OGDH: variants seen among roughly 807,000 people sequenced by gnomAD.
The protein encoded by OGDH is 2-oxoglutarate dehydrogenase complex component E1.
A neutral mutation model predicts 116.6 loss-of-function variants in OGDH; 38 were observed. The observed-to-expected ratio is 0.33, with a 90% confidence interval of 0.25 to 0.43. The LOEUF (loss-of-function observed/expected upper bound fraction) is 0.43. OGDH is among the 20% of genes least tolerant of loss of function. The pLI, the probability that OGDH is intolerant of heterozygous loss-of-function variation, is 1.00. For missense variants in OGDH, 825 were observed against 1,357.2 expected, an observed-to-expected ratio of 0.61 and a Z score of 6.16; for synonymous variants, 488 against 533.3, an observed-to-expected ratio of 0.92 and a Z score of 1.17.
intron 5 of OGDH, among the ~76,000 whole-genome samples, chr7:44,672,079 A>G (rs9969123): frequency 6.6e-6 from 1 of 151,790 alleles, no homozygotes. Flanking sequence ...AAAAATAAAT[A>G]AATTAATTAA....
chr7:44,678,320 G>A (rs1291828815), intron 9 of OGDH, among the ~76,000 whole-genome samples: 1 of 152,196 alleles, frequency 6.6e-6, no homozygotes, highest in African/African-American at 2.4e-5. Context: ...TTTGGGCTGA[G>A]TAGTGGAATG....
intron 20 of OGDH, among the ~76,000 whole-genome samples, chr7:44,701,963 C>G (rs1318491052): frequency 6.6e-6 from 1 of 151,724 alleles, no homozygotes; most frequent in African/African-American, 2.4e-5. Context: ...CCCAGCTACT[C>G]AGGAGGCTGA....
intron 2 of OGDH, among the ~76,000 whole-genome samples, chr7:44,638,323 G>A (rs1785766684): frequency 6.6e-6 from 1 of 152,162 alleles, no homozygotes; most frequent in Non-Finnish European, 1.5e-5. Context: ...AAGTACTAAA[G>A]TAAGGCCCAA....
At chr7:44,643,224 C>T (rs1182328515) in intron 2 of OGDH, among the ~76,000 whole-genome samples, 1 of 152,040 alleles carries the variant, frequency 6.6e-6, no homozygotes, top group Non-Finnish European at 1.5e-5. Flanking sequence ...GATCCTCCTG[C>T]CTCTGCTTCC....
chr7:44,675,325 G>A, intron 8 of OGDH, 57 bp downstream of exon 8: 1 of 1,380,070 alleles, frequency 7.2e-7, no homozygotes, highest in Non-Finnish European at 1.0e-6. Flanking sequence ...CAAGACCCCT[G>A]GCTCCACTTC....
intron 10 of OGDH, among the ~76,000 whole-genome samples, chr7:44,688,499 C>T (rs1261904351): frequency 5.9e-5 from 8 of 135,186 alleles, no homozygotes; most frequent in African/African-American, 1.1e-4. Context: ...GGTGTGATCT[C>T]GGCTCATTGC....
chr7:44,607,057 C>T (rs982605848), intron 1 of OGDH, among the ~76,000 whole-genome samples: 13 of 152,226 alleles, frequency 8.5e-5, no homozygotes, highest in African/African-American at 3.1e-4. Flanking sequence ...AGGCCGCTCT[C>T]CGACGGCGTC....
At chr7:44,700,417 C>T (rs576560093) in intron 19 of OGDH, 148 bp downstream of exon 19, 9 of 1,001,882 alleles carry the variant, frequency 9.0e-6, no homozygotes, top group Admixed American at 2.7e-5. Flanking sequence ...CAGGGAGCCT[C>T]GCCCTTCCTC....
At chr7:44,648,191 T>C (rs776583500) in intron 4 of OGDH, among the ~76,000 whole-genome samples, 11 of 152,252 alleles carry the variant, frequency 7.2e-5, no homozygotes, top group Non-Finnish European at 1.0e-4. Flanking sequence ...TGCCCTTGAC[T>C]GGAGGCCATG....
At chr7:44,634,190 C>T (rs1363371269) in intron 2 of OGDH, among the ~76,000 whole-genome samples, 5 of 152,204 alleles carry the variant, frequency 3.3e-5, no homozygotes, top group African/African-American at 4.8e-5. Flanking sequence ...TCCAGTAGGC[C>T]GGAGCGATTC....
chr7:44,622,712 A>G (rs1053247472), intron 1 of OGDH: 1 of 152,164 alleles, frequency 6.6e-6, no homozygotes, highest in Non-Finnish European at 1.5e-5. Context: ...AGGTGTGGAC[A>G]TGGAGTGTAG....
chr7:44,671,923 G>T (rs977495465), intron 5 of OGDH, among the ~76,000 whole-genome samples: 3 of 151,796 alleles, frequency 2.0e-5, no homozygotes, highest in Non-Finnish European at 4.4e-5. Context: ...CAAAAAATTA[G>T]CCGGGTGTGG....
At chr7:44,700,487 T>C (rs958342939) in intron 19 of OGDH, among the ~76,000 whole-genome samples, 1 of 152,192 alleles carries the variant, frequency 6.6e-6, no homozygotes, top group African/African-American at 2.4e-5. Flanking sequence ...ACTGGGCCCC[T>C]GCATACTGCT....
In OGDH at chr7:44,684,754, T is replaced by C. The variant is rs141329078; in HGVS notation, c.1335+2906T>C. ...TCCCTGTACCAAGGGAACAGAGATG[T>C]CTAAAAAAAACCAACCTCACTACTG... On this transcript the variant is annotated intron_variant, in intron 10 of 22. Coordinates refer to ENST00000222673, the MANE Select transcript of OGDH (RefSeq NM_002541.4). 1.5e-3 allele frequency among the ~76,000 whole-genome samples: 232 copies of C among 151,662 alleles called. 1 individual carries two copies. Among genetic ancestry groups the C allele is most frequent in the African/African-American group, 4.9e-3 (203 of 41,244 alleles).
intron 10 of OGDH, 109 bp from the exon 11 acceptor site, chr7:44,693,716 C>CA (rs1474513834): frequency 4.4e-6 from 4 of 902,520 alleles, no homozygotes; most frequent in Admixed American, 6.3e-5. Flanking sequence ...GGTACGTACT[C>CA]AGAGTAGCCA....
intron 4 of OGDH, among the ~76,000 whole-genome samples, chr7:44,665,906 A>G (rs1417416563): frequency 6.6e-6 from 1 of 152,214 alleles, no homozygotes; most frequent in East Asian, 1.9e-4. Flanking sequence ...TGCCACAGAA[A>G]GAGCTCTTCC....
intron 1 of OGDH, among the ~76,000 whole-genome samples, chr7:44,609,200 C>T (rs1001027029): frequency 4.6e-5 from 7 of 151,980 alleles, no homozygotes; most frequent in East Asian, 1.9e-4. Context: ...CAGGTTGTTG[C>T]GTGTTATGGG....
intron 5 of OGDH, among the ~76,000 whole-genome samples, chr7:44,669,333 A>G (rs143097359): frequency 1.5e-4 from 22 of 151,660 alleles, no homozygotes; most frequent in African/African-American, 4.1e-4. Context: ...TGTATTTTTT[A>G]TAGAGATGAG....
chr7:44,638,877 T>C (rs893303653), intron 2 of OGDH, among the ~76,000 whole-genome samples: 6 of 152,174 alleles, frequency 3.9e-5, no homozygotes, highest in African/African-American at 1.2e-4. Flanking sequence ...CTGTTTGCGC[T>C]GGGTGGTCAA....
Sources: gnomAD v4.1 joint callset for allele counts (sites outside exome capture counted in the v4.1 genomes callset) on GRCh38, gnomAD v4.1.1 for gene constraint, MANE v1.5 for transcripts, NCBI Gene and HGNC (gene_info 2026-07-23, HGNC 2026-07-21) for gene names.